The following KCNK13 variants were observed in gnomAD, a reference collection of about 807,000 sequenced individuals.
KCNK13 encodes the protein potassium channel subfamily K member 13.
A neutral mutation model predicts 23.4 loss-of-function variants in KCNK13; 12 were observed. The observed-to-expected ratio is 0.51, with a 90% CI of 0.33 to 0.83. The LOEUF is 0.83. Among genes scored for constraint, KCNK13 ranks in the 40% least tolerant of loss-of-function variants. The pLI is 0.02. For synonymous variants in KCNK13, 231 were observed against 229.5 expected (o/e 1.01, Z -0.06); for missense variants, 463 against 556.3 (o/e 0.83, Z 1.69).
chr14:90,067,539 G>T (rs1285963281), intron 1 of KCNK13, among the ~76,000 whole-genome samples: 1 of 152,144 alleles, frequency 6.6e-6, no homozygotes, highest in Non-Finnish European at 1.5e-5. Context: ...AGTGGTGATG[G>T]TTGTACAACA....
chr14:90,119,661 A>C (rs1178202512), intron 1 of KCNK13, among the ~76,000 whole-genome samples: 1 of 152,110 alleles, frequency 6.6e-6, no homozygotes, highest in Non-Finnish European at 1.5e-5. Context: ...GTGCAGTGGC[A>C]TGATCTTGGC....
At chr14:90,114,299 A>G (rs1218162147) in intron 1 of KCNK13, among the ~76,000 whole-genome samples, 1 of 151,640 alleles carries the variant, frequency 6.6e-6, no homozygotes, top group Non-Finnish European at 1.5e-5. Flanking sequence ...CTGCACCCAG[A>G]CCCCCTTGGA....
chr14:90,062,134 C>T lies in KCNK13; in HGVS notation c.-72C>T, dbSNP rs969045442. On this transcript the variant is annotated 5_prime_UTR_variant, in exon 1 of 2. Coordinates refer to ENST00000282146, the MANE Select transcript of KCNK13 (RefSeq NM_022054.4). This position sits in a 1 kb window ranked among gnomAD's most constrained non-coding sequence, Gnocchi z 4.5. Reference sequence around the variant, plus strand: ...TGGCTGAGCGCCGGGGCCCTTATTTCCCGGGGGTGTGGGCGAGACTCCGCC... The same window carrying T: ...TGGCTGAGCGCCGGGGCCCTTATTTTCCGGGGGTGTGGGCGAGACTCCGCC... 14 of 1,044,110 alleles carry T rather than the reference C, an allele frequency of 1.3e-5. No homozygotes were observed. Among genetic ancestry groups the T allele is most frequent in the African/African-American group, 6.7e-5 (4 of 59,630 alleles). The allele number at this position is 1,044,110 out of a possible 1,614,324, so 64.7% of individuals were successfully genotyped here. A position where few individuals can be genotyped will look rare whatever the true frequency, so the allele number is the denominator to read the frequency against.
rs1403326157 is a variant in KCNK13, at chr14:90,184,135, C to T, written c.359C>T (p.Thr120Ile). 6.2e-7 allele frequency: 1 copy of T among 1,613,570 alleles called. No individual in the cohort carries two copies. The highest frequency in any genetic ancestry group is 8.5e-7 in the Non-Finnish European group (1 of 1,179,490). The change falls in exon 2 of 2, where the codon ACA becomes ATA. Residue 120 changes from threonine to isoleucine, a missense_variant. Around this residue, in one of 3 missense-constraint regions of KCNK13, gnomAD observed 144 missense variants for 224.0 expected, o/e 0.64. Coordinates refer to ENST00000282146, the MANE Select transcript of KCNK13 (RefSeq NM_022054.4). The surrounding 1 kb of genome is among the most constrained non-coding windows in gnomAD (Gnocchi z 5.6). ...GGGTTTGGGATGACAACTCCGGCGACAGTAGGAGGAAAAATCTTTCTGATC... is the reference window on the plus strand; with the variant it reads ...GGGTTTGGGATGACAACTCCGGCGATAGTAGGAGGAAAAATCTTTCTGATC... ...TIGFGMTTPA[T>I]VGGKIFLIFY... is the part of the protein sequence containing the mutation.
chr14:90,183,527 T>C (rs1433979740), intron 1 of KCNK13, among the ~76,000 whole-genome samples: 3 of 152,140 alleles, frequency 2.0e-5, no homozygotes, highest in Non-Finnish European at 4.4e-5. Context: ...CTCTTAGGAG[T>C]TCCCATAGAA....
At chr14:90,101,790 C>CAAAAAAAAAAAAAAAAAAAAAAAAA (rs546423368) in intron 1 of KCNK13, among the ~76,000 whole-genome samples, 10 of 55,584 alleles carry the variant, frequency 1.8e-4, no homozygotes, top group South Asian at 6.4e-4. Flanking sequence ...ACTCCGTCTC[C>CAAAAAAAAAAAAAAAAAAAAAAAAA]AAAAAAAAAA....
intron 1 of KCNK13, among the ~76,000 whole-genome samples, chr14:90,116,027 G>T (rs907356075): frequency 6.6e-6 from 1 of 152,146 alleles, no homozygotes; most frequent in African/African-American, 2.4e-5. Context: ...TCATTAAATG[G>T]AATGATTCCA....
chr14:90,141,844 G>A lies in KCNK13; in HGVS notation c.335-42267G>A, dbSNP rs151281802. Among the ~76,000 whole-genome samples, 136 of 144,940 alleles carry A rather than the reference G, an allele frequency of 9.4e-4. 1 individual carries two copies. The highest frequency in any genetic ancestry group is 3.3e-3 in the African/African-American group (128 of 38,800). ...TGTCACCCAGGTGGAGTGCAGTGGC[G>A]CAATTTTGGCTCACTGCAAGCTCCG... On this transcript the variant is annotated intron_variant, in intron 1 of 1. Transcript: ENST00000282146.
chr14:90,115,152 CAGAG>C (rs1889661063), intron 1 of KCNK13, among the ~76,000 whole-genome samples: 1 of 152,092 alleles, frequency 6.6e-6, no homozygotes, highest in South Asian at 2.1e-4. Context: ...GTCCCAAACA[CAGAG>C]AGGACTTTTG....
chr14:90,116,523 A>G (rs1481269128), intron 1 of KCNK13, among the ~76,000 whole-genome samples: 1 of 152,186 alleles, frequency 6.6e-6, no homozygotes. Context: ...GAGGGCTGTC[A>G]AGCAGCAAGC....
At chr14:90,150,993 A>T (rs896927871) in intron 1 of KCNK13, among the ~76,000 whole-genome samples, 3 of 152,036 alleles carry the variant, frequency 2.0e-5, no homozygotes. Flanking sequence ...AGAAAAAAAA[A>T]GTGTGTGGCA....
intron 1 of KCNK13, among the ~76,000 whole-genome samples, chr14:90,065,750 A>G (rs967528621): frequency 5.3e-5 from 8 of 152,300 alleles, no homozygotes; most frequent in Admixed American, 3.9e-4. Flanking sequence ...TGGACAGCCC[A>G]AGGGTAGCCC....
rs113655625 is a variant in KCNK13, at chr14:90,098,842, G to C, written c.334+36303G>C. Among the ~76,000 whole-genome samples the C allele has an allele frequency of 5.2e-3, 798 of 152,220 alleles. 8 individuals are homozygous for C. Among genetic ancestry groups the C allele is most frequent in the African/African-American group, 0.018 (752 of 41,552 alleles). On this transcript the variant is annotated intron_variant, in intron 1 of 1. Transcript: ENST00000282146. ...GCCTGTAATCCCGGCACTTTGGGGG[G>C]GCCGAGGCAGGTGGATCATGAGATC...
intron 1 of KCNK13, among the ~76,000 whole-genome samples, chr14:90,164,226 C>T (rs1022718610): frequency 9.2e-5 from 14 of 152,318 alleles, no homozygotes; most frequent in African/African-American, 2.9e-4. Flanking sequence ...CCACAAATGT[C>T]ACAATGCTTT....
At chr14:90,065,500 G>A (rs1302353786) in intron 1 of KCNK13, among the ~76,000 whole-genome samples, 1 of 152,172 alleles carries the variant, frequency 6.6e-6, no homozygotes, top group Non-Finnish European at 1.5e-5. Flanking sequence ...AATCGAGGAA[G>A]GAAAGTAAGT....
At chr14:90,183,669 A>C (rs1273459489) in intron 1 of KCNK13, among the ~76,000 whole-genome samples, 2 of 152,212 alleles carry the variant, frequency 1.3e-5, no homozygotes, top group South Asian at 4.1e-4. Context: ...GTGTTTGCAG[A>C]ATAAATGAAT....
chr14:90,146,775 T>G (rs1316473695), intron 1 of KCNK13, among the ~76,000 whole-genome samples: 1 of 152,206 alleles, frequency 6.6e-6, no homozygotes, highest in African/African-American at 2.4e-5. Context: ...ACTTAATATG[T>G]TTATTGGTAT....
At chr14:90,085,794 TTTATATTATATA>T (rs1402801279) in intron 1 of KCNK13, among the ~76,000 whole-genome samples, 4 of 62,824 alleles carry the variant, frequency 6.4e-5, no homozygotes, top group Admixed American at 3.1e-4. Flanking sequence ...TATTATATAC[TTTATATTATATA>T]TTATATTATA....
At chr14:90,084,720 A>G (rs1265612377) in intron 1 of KCNK13, among the ~76,000 whole-genome samples, 2 of 152,150 alleles carry the variant, frequency 1.3e-5, no homozygotes, top group Non-Finnish European at 2.9e-5. Context: ...CTTGAAGGAA[A>G]GTTTCAGTCT....
Sources: allele counts gnomAD v4.1 joint callset (sites outside exome capture counted in the v4.1 genomes callset), GRCh38; gene constraint gnomAD v4.1.1; regional missense constraint gnomAD v4.1.1; non-coding constraint Gnocchi (gnomAD v3.1); transcripts MANE v1.5; gene names NCBI Gene and HGNC (gene_info 2026-07-23, HGNC 2026-07-21).